Variants in LRRTM4 observed in about 807,000 individuals in gnomAD.
LRRTM4 encodes leucine rich repeat transmembrane neuronal 4.
LRRTM4 carries 25 observed loss-of-function variants against 47.6 expected under a neutral mutation model. That is an observed-to-expected ratio of 0.53 (90% CI 0.38 to 0.73). LRRTM4 has a LOEUF of 0.73. Among genes scored for constraint, LRRTM4 ranks in the 30% least tolerant of loss-of-function variants. LRRTM4 has a pLI of 0.00. For synonymous variants in LRRTM4, 311 were observed against 269.5 expected (o/e 1.15, Z -1.51); for missense variants, 638 against 713.4 (o/e 0.89, Z 1.20).
At chr2:77,070,586 C>CT (rs768204653) in intron 3 of LRRTM4, among the ~76,000 whole-genome samples, 2 of 151,884 alleles carry the variant, frequency 1.3e-5, no homozygotes, top group Admixed American at 6.6e-5. Context: ...GATATTGTAT[C>CT]TTTTTTTATA....
intron 3 of LRRTM4, among the ~76,000 whole-genome samples, chr2:77,046,967 A>G (rs1022653058): frequency 6.6e-6 from 1 of 152,044 alleles, no homozygotes; most frequent in Non-Finnish European, 1.5e-5. Context: ...CTGCATGAGC[A>G]TATTCTGCTC....
At chr2:77,472,517 T>TC (rs1163722166) in intron 3 of LRRTM4, among the ~76,000 whole-genome samples, 7 of 150,522 alleles carry the variant, frequency 4.7e-5, no homozygotes, top group African/African-American at 1.7e-4. Context: ...CTGTGTGTGT[T>TC]CTTTTTTTTT....
rs572165807 is a variant in LRRTM4, at chr2:76,870,438, G to T, written c.1552-121522C>A. On this transcript the variant is annotated intron_variant, in intron 3 of 3. Coordinates refer to ENST00000409884, the MANE Select transcript of LRRTM4 (RefSeq NM_001134745.3). ...CGCCTTGAGAGTTTCCCAAAAGAAT[G>T]AGCTGAAATACTGGGGGAAAAAAGG... Among the ~76,000 whole-genome samples, 7 of 151,988 alleles carry T rather than the reference G, an allele frequency of 4.6e-5. No individual in the cohort carries two copies. In the South Asian group the frequency reaches 1.5e-3, roughly 32 times the overall value.
intron 3 of LRRTM4, among the ~76,000 whole-genome samples, chr2:76,939,458 T>C (rs945247836): frequency 6.6e-6 from 1 of 152,058 alleles, no homozygotes; most frequent in Non-Finnish European, 1.5e-5. Context: ...CCACATTCCA[T>C]TGGTGAAAAA....
At chr2:77,038,043 C>T (rs538774700) in intron 3 of LRRTM4, among the ~76,000 whole-genome samples, 3 of 151,686 alleles carry the variant, frequency 2.0e-5, no homozygotes, top group Non-Finnish European at 3.0e-5. Flanking sequence ...AGTAAGCAGA[C>T]TTTCTCCCCA....
chr2:77,190,197 A>T (rs1482342088), intron 3 of LRRTM4, among the ~76,000 whole-genome samples: 3 of 151,784 alleles, frequency 2.0e-5, no homozygotes, highest in Non-Finnish European at 4.4e-5. Flanking sequence ...TATCATTATT[A>T]ATCTTTCTAT....
At chr2:77,369,761 T>C (rs1672593259) in intron 3 of LRRTM4, among the ~76,000 whole-genome samples, 1 of 151,764 alleles carries the variant, frequency 6.6e-6, no homozygotes, top group Non-Finnish European at 1.5e-5. Context: ...GGTATACCTA[T>C]TACTCCTAGG....
intron 3 of LRRTM4, among the ~76,000 whole-genome samples, chr2:77,340,212 C>T (rs1671321171): frequency 6.6e-6 from 1 of 151,774 alleles, no homozygotes; most frequent in South Asian, 2.1e-4. Flanking sequence ...CTCCACCACG[C>T]ATTGCTGGAG....
chr2:77,300,129 C>A (rs1431392625), intron 3 of LRRTM4, among the ~76,000 whole-genome samples: 1 of 152,104 alleles, frequency 6.6e-6, no homozygotes, highest in Non-Finnish European at 1.5e-5. Flanking sequence ...AAATTACAGG[C>A]AAGAGCCACT....
At chr2:77,113,741 C>T (rs900553913) in intron 3 of LRRTM4, among the ~76,000 whole-genome samples, 2 of 150,530 alleles carry the variant, frequency 1.3e-5, no homozygotes. Context: ...GCAAAGTGAC[C>T]GGTTGAGGAA....
chr2:77,368,775 G>A (rs1672548785), intron 3 of LRRTM4, among the ~76,000 whole-genome samples: 1 of 151,644 alleles, frequency 6.6e-6, no homozygotes, highest in East Asian at 1.9e-4. Context: ...CCACGTATCG[G>A]CTGTAGTGAA....
At chr2:76,905,482 G>C (rs776700445) in intron 3 of LRRTM4, among the ~76,000 whole-genome samples, 3 of 152,090 alleles carry the variant, frequency 2.0e-5, no homozygotes, top group Non-Finnish European at 4.4e-5. Flanking sequence ...CACCAGCAAT[G>C]GAAAAAAGCT....
At chr2:76,958,258 C>T (rs934299460) in intron 3 of LRRTM4, among the ~76,000 whole-genome samples, 1 of 151,668 alleles carries the variant, frequency 6.6e-6, no homozygotes, top group Non-Finnish European at 1.5e-5. Context: ...CCCAGGAATC[C>T]AGAATATGAA....
At chr2:77,032,707 G>T (rs1678705543) in intron 3 of LRRTM4, among the ~76,000 whole-genome samples, 1 of 152,060 alleles carries the variant, frequency 6.6e-6, no homozygotes, top group Admixed American at 6.6e-5. Context: ...ATTATATGCT[G>T]AAAGACTGCA....
intron 3 of LRRTM4, among the ~76,000 whole-genome samples, chr2:76,981,366 A>G (rs1676602355): frequency 6.6e-6 from 1 of 152,066 alleles, no homozygotes; most frequent in Non-Finnish European, 1.5e-5. Context: ...AGACATCTCC[A>G]TTTACCTCAA....
chr2:76,899,448 C>G (rs1673546110), intron 3 of LRRTM4, among the ~76,000 whole-genome samples: 1 of 151,724 alleles, frequency 6.6e-6, no homozygotes, highest in South Asian at 2.1e-4. Context: ...GGGTTGACTA[C>G]CCATGTTAAG....
At chr2:77,204,193 T>C (rs1469061191) in intron 3 of LRRTM4, among the ~76,000 whole-genome samples, 1 of 152,178 alleles carries the variant, frequency 6.6e-6, no homozygotes, top group Non-Finnish European at 1.5e-5. Context: ...CAGAAGCACA[T>C]AGCACTGAGT....
intron 3 of LRRTM4, among the ~76,000 whole-genome samples, chr2:76,821,138 G>T (rs1257740731): frequency 6.6e-6 from 1 of 151,456 alleles, no homozygotes; most frequent in Admixed American, 6.6e-5. Flanking sequence ...CTGTGACCAG[G>T]TTAAGAAAAA....
At chr2:77,345,120 T>C (rs1671515236) in intron 3 of LRRTM4, among the ~76,000 whole-genome samples, 1 of 151,080 alleles carries the variant, frequency 6.6e-6, no homozygotes, top group African/African-American at 2.4e-5. Context: ...TATAAAAATA[T>C]ACAAATAGTT....
Sources: allele counts gnomAD v4.1 joint callset (sites outside exome capture counted in the v4.1 genomes callset), GRCh38; gene constraint gnomAD v4.1.1; transcripts MANE v1.5; gene names NCBI Gene and HGNC (gene_info 2026-07-23, HGNC 2026-07-21).